Variants in FRMD4B observed in about 807,000 individuals in gnomAD.
The protein encoded by FRMD4B is FERM domain-containing protein 4B.
A neutral mutation model predicts 141.5 loss-of-function variants in FRMD4B; 74 were observed. That is an observed-to-expected ratio of 0.52 (90% CI 0.43 to 0.63). The LOEUF (loss-of-function observed/expected upper bound fraction) is 0.63, where lower values mean the gene tolerates loss of function less well. Among genes scored for constraint, FRMD4B ranks in the 30% least tolerant of loss-of-function variants. FRMD4B has a pLI of 0.00. For missense variants in FRMD4B, 1,366 were observed against 1,253.4 expected, an observed-to-expected ratio of 1.09 and a Z score of -1.36; for synonymous variants, 506 against 467.9, an observed-to-expected ratio of 1.08 and a Z score of -1.05.
intron 11 of FRMD4B, among the ~76,000 whole-genome samples, chr3:69,213,130 T>A (rs1028676791): frequency 1.3e-5 from 2 of 152,198 alleles, no homozygotes; most frequent in African/African-American, 2.4e-5. Context: ...GGTTTATAAG[T>A]GAGCTAGAGA....
intron 1 of FRMD4B, among the ~76,000 whole-genome samples, chr3:69,484,346 A>C (rs1261099237): frequency 6.6e-6 from 1 of 152,146 alleles, no homozygotes; most frequent in Non-Finnish European, 1.5e-5. Context: ...GAATTCTACC[A>C]GGTGCTATTA....
At chr3:69,394,996 T>C (rs1241917490) in intron 2 of FRMD4B, among the ~76,000 whole-genome samples, 2 of 151,882 alleles carry the variant, frequency 1.3e-5, no homozygotes, top group Non-Finnish European at 2.9e-5. Flanking sequence ...GAGGAGAACA[T>C]CACACACCGG....
At chr3:69,478,661 C>G (rs139006673) in intron 1 of FRMD4B, among the ~76,000 whole-genome samples, 2,765 of 152,156 alleles carry the variant, frequency 0.018, 44 homozygotes, top group Non-Finnish European at 0.024. Context: ...TGGTGTGGTG[C>G]TGAAAAAAGT....
chr3:69,511,795 C>G (rs1455869050), intron 1 of FRMD4B, among the ~76,000 whole-genome samples: 1 of 152,188 alleles, frequency 6.6e-6, no homozygotes, highest in Admixed American at 6.5e-5. Context: ...AAGGCTCTCC[C>G]TGCCTATTCT....
chr3:69,471,425 T>A (rs1278308982), intron 1 of FRMD4B: 2 of 245,268 alleles, frequency 8.2e-6, no homozygotes, highest in East Asian at 1.0e-4. Flanking sequence ...GTAGCCCTTA[T>A]CACTATATTG....
intron 7 of FRMD4B, among the ~76,000 whole-genome samples, chr3:69,243,569 TG>T (rs1375254889): frequency 2.0e-5 from 3 of 152,192 alleles, no homozygotes; most frequent in Non-Finnish European, 2.9e-5. Context: ...ATCAAATCTA[TG>T]TCGTAGGAAG....
intron 1 of FRMD4B, among the ~76,000 whole-genome samples, chr3:69,378,721 A>G (rs995223887): frequency 2.0e-5 from 3 of 152,108 alleles, no homozygotes; most frequent in Non-Finnish European, 2.9e-5. Flanking sequence ...CATAAACATC[A>G]AAATTCTAAA....
chr3:69,429,036 C>T (rs1225331933), intron 2 of FRMD4B, among the ~76,000 whole-genome samples: 1 of 152,142 alleles, frequency 6.6e-6, no homozygotes, highest in African/African-American at 2.4e-5. Flanking sequence ...TCATAATACA[C>T]ACCATTTTGG....
At chr3:69,273,514 A>G (rs2093604753) in intron 5 of FRMD4B, among the ~76,000 whole-genome samples, 1 of 152,250 alleles carries the variant, frequency 6.6e-6, no homozygotes, top group African/African-American at 2.4e-5. Context: ...TGGAAAATTG[A>G]ATTTAGAAAC....
chr3:69,208,872 G>A (rs188526865), intron 11 of FRMD4B, among the ~76,000 whole-genome samples: 84 of 152,092 alleles, frequency 5.5e-4, no homozygotes, highest in African/African-American at 1.4e-3. Flanking sequence ...TATGCCAGGC[G>A]CGGTGGCTCA....
At chr3:69,463,021 T>C (rs1404160165) in intron 1 of FRMD4B, among the ~76,000 whole-genome samples, 2 of 152,186 alleles carry the variant, frequency 1.3e-5, no homozygotes, top group South Asian at 2.1e-4. Context: ...TTCCCTGGGA[T>C]TGCACTCCCC....
chr3:69,533,627 T>C (rs1390980879), intron 1 of FRMD4B, among the ~76,000 whole-genome samples: 1 of 152,218 alleles, frequency 6.6e-6, no homozygotes, highest in Non-Finnish European at 1.5e-5. Flanking sequence ...TCTGCGTTAA[T>C]CAGATTGTTG....
chr3:69,178,896 T>G (rs2092677257), intron 21 of FRMD4B, among the ~76,000 whole-genome samples: 1 of 151,718 alleles, frequency 6.6e-6, no homozygotes, highest in East Asian at 1.9e-4. Context: ...TGAATGTGCA[T>G]GGCATCTAGT....
At chr3:69,231,241 C>T (rs1376106017) in intron 7 of FRMD4B, among the ~76,000 whole-genome samples, 1 of 152,134 alleles carries the variant, frequency 6.6e-6, no homozygotes, top group Non-Finnish European at 1.5e-5. Flanking sequence ...CAGGAGGCTT[C>T]TGGGGTCCTG....
chr3:69,542,278 C>T (rs1701199676), exon 1 of FRMD4B: 1 of 152,196 alleles, frequency 6.6e-6, no homozygotes. Flanking sequence ...CTGCGCACCG[C>T]GCGGGACCTG....
At chr3:69,183,674 G>C (rs1475291081) in intron 19 of FRMD4B, among the ~76,000 whole-genome samples, 1 of 151,646 alleles carries the variant, frequency 6.6e-6, no homozygotes, top group Non-Finnish European at 1.5e-5. Flanking sequence ...AGTAAAGACA[G>C]GGTTTCACCT....
intron 1 of FRMD4B, among the ~76,000 whole-genome samples, chr3:69,534,919 G>A (rs1701063050): frequency 6.6e-6 from 1 of 152,082 alleles, no homozygotes. Context: ...GCACATAGTT[G>A]GTGTTCAACA....
At chr3:69,472,838 T>C (rs1328382662) in intron 1 of FRMD4B, among the ~76,000 whole-genome samples, 1 of 152,068 alleles carries the variant, frequency 6.6e-6, no homozygotes, top group East Asian at 1.9e-4. Context: ...ATATTGGTCA[T>C]ATTGGGAGTA....
chr3:69,455,913 C>T (rs1452805191), intron 1 of FRMD4B, among the ~76,000 whole-genome samples: 1 of 152,168 alleles, frequency 6.6e-6, no homozygotes, highest in Non-Finnish European at 1.5e-5. Flanking sequence ...CATCACCTGG[C>T]CATTTGTAGC....
Sources: allele counts gnomAD v4.1 joint callset (sites outside exome capture counted in the v4.1 genomes callset), GRCh38; gene constraint gnomAD v4.1.1; transcripts MANE v1.5; gene names NCBI Gene and HGNC (gene_info 2026-07-23, HGNC 2026-07-21).